GRID2: variants seen among roughly 807,000 people sequenced by gnomAD.
The protein encoded by GRID2 is glutamate receptor ionotropic, delta-2.
In GRID2, 33 loss-of-function variants were observed where a neutral mutation model predicts 114.8. The ratio of observed to expected loss-of-function variants is 0.29; its 90% CI spans 0.22 to 0.38. The LOEUF (loss-of-function observed/expected upper bound fraction) is 0.38. Ranked by LOEUF, GRID2 falls within the 10% of genes least tolerant of loss-of-function variation. GRID2 has a pLI of 1.00. For synonymous variants in GRID2, 505 were observed against 449.9 expected, an observed-to-expected ratio of 1.12 and a Z score of -1.55; for missense variants, 1,184 against 1,257.7, an observed-to-expected ratio of 0.94 and a Z score of 0.89.
intron 1 of GRID2, among the ~76,000 whole-genome samples, chr4:92,519,072 G>T (rs1724647018): frequency 6.6e-6 from 1 of 151,820 alleles, no homozygotes; most frequent in South Asian, 2.1e-4. Context: ...TAGCTGGGGT[G>T]AGGAATAAGG....
intron 8 of GRID2, among the ~76,000 whole-genome samples, chr4:93,380,318 A>G (rs1048493085): frequency 6.6e-6 from 1 of 151,934 alleles, no homozygotes; most frequent in African/African-American, 2.4e-5. Context: ...GCTGGAAAAG[A>G]CAATGAAAGA....
At chr4:93,177,680 C>T (rs1172333734) in intron 4 of GRID2, among the ~76,000 whole-genome samples, 1 of 151,992 alleles carries the variant, frequency 6.6e-6, no homozygotes, top group Non-Finnish European at 1.5e-5. Flanking sequence ...TATTTTATGC[C>T]AACCAGCAGG....
chr4:92,353,708 G>T (rs1370090598), intron 1 of GRID2, among the ~76,000 whole-genome samples: 2 of 151,938 alleles, frequency 1.3e-5, no homozygotes, highest in African/African-American at 4.8e-5. Context: ...TGTGTGTGGG[G>T]CCCCTCCTTC....
chr4:93,772,348 T>C lies in GRID2; in HGVS notation c.2874T>C (p.Pro958=). The C allele has an allele frequency of 6.2e-7, 1 of 1,614,138 alleles. No homozygotes were observed. The highest frequency in any genetic ancestry group is 2.2e-5 in the East Asian group (1 of 44,876). The part of the protein sequence containing the change: ...AASGFTFGNV[P]EHRTGPFRHR... ...CTGGTTTCACTTTTGGCAACGTGCCTGAGCACCGAACTGGCCCTTTTAGGC... is the reference window on the plus strand; with the variant it reads ...CTGGTTTCACTTTTGGCAACGTGCCCGAGCACCGAACTGGCCCTTTTAGGC... Residue 958 remains proline (P), a synonymous_variant, in exon 16 of 16, where the codon CCT becomes CCC. Coordinates refer to ENST00000282020, the MANE Select transcript of GRID2 (RefSeq NM_001510.4).
intron 14 of GRID2, among the ~76,000 whole-genome samples, chr4:93,765,858 G>C (rs1225860848): frequency 1.3e-5 from 2 of 151,998 alleles, no homozygotes; most frequent in Non-Finnish European, 2.9e-5. Flanking sequence ...AGCCTCTCCG[G>C]TGGAATGTGC....
chr4:93,521,585 T>G (rs1442300318), intron 13 of GRID2, among the ~76,000 whole-genome samples: 1 of 151,984 alleles, frequency 6.6e-6, no homozygotes, highest in Admixed American at 6.6e-5. Flanking sequence ...ACTGGTGACC[T>G]GACAACAACA....
intron 4 of GRID2, among the ~76,000 whole-genome samples, chr4:93,125,783 T>G (rs1364844085): frequency 1.3e-5 from 2 of 152,144 alleles, no homozygotes; most frequent in African/African-American, 4.8e-5. Flanking sequence ...AAGTGAAAGA[T>G]GAAGGGTGGG....
chr4:92,440,601 G>T (rs1732997412), intron 1 of GRID2, among the ~76,000 whole-genome samples: 1 of 152,074 alleles, frequency 6.6e-6, no homozygotes, highest in Non-Finnish European at 1.5e-5. Context: ...TTTCCTTGAG[G>T]ATAGATTTCC....
intron 2 of GRID2, among the ~76,000 whole-genome samples, chr4:92,600,044 G>GTATATATATATATATA (rs70942915): frequency 1.7e-4 from 9 of 54,454 alleles, no homozygotes; most frequent in African/African-American, 2.7e-4. Context: ...GTGTGTGTGT[G>GTATATATATATATATA]TATATATATA....
chr4:93,401,904 T>A (rs1251519502), intron 9 of GRID2, among the ~76,000 whole-genome samples: 1 of 149,004 alleles, frequency 6.7e-6, no homozygotes, highest in Non-Finnish European at 1.5e-5. Context: ...ATATCCATCA[T>A]TAGTCTCACT....
At chr4:92,525,702 G>C (rs1215741360) in intron 1 of GRID2, among the ~76,000 whole-genome samples, 1 of 152,094 alleles carries the variant, frequency 6.6e-6, no homozygotes, top group African/African-American at 2.4e-5. Context: ...AGGAAATTTT[G>C]GGTTGAGCCA....
intron 8 of GRID2, among the ~76,000 whole-genome samples, chr4:93,332,325 A>AGAGAGAGAGAGAGAG (rs370701996): frequency 1.4e-5 from 2 of 141,968 alleles, no homozygotes; most frequent in African/African-American, 2.6e-5. Flanking sequence ...AGAGAGAGAG[A>AGAGAGAGAGAGAGAG]ACTGGGAATG....
intron 2 of GRID2, among the ~76,000 whole-genome samples, chr4:92,781,638 T>A (rs1036536611): frequency 6.6e-6 from 1 of 152,110 alleles, no homozygotes; most frequent in Non-Finnish European, 1.5e-5. Context: ...TAACTATGTA[T>A]ATATGTTATA....
At chr4:93,505,496 T>C (rs1408902403) in intron 12 of GRID2, among the ~76,000 whole-genome samples, 1 of 151,296 alleles carries the variant, frequency 6.6e-6, no homozygotes, top group Non-Finnish European at 1.5e-5. Context: ...AAAAAGAAAC[T>C]GCACATGCTT....
At chr4:93,538,292 C>G (rs1360673615) in intron 13 of GRID2, among the ~76,000 whole-genome samples, 1 of 151,596 alleles carries the variant, frequency 6.6e-6, no homozygotes, top group Non-Finnish European at 1.5e-5. Context: ...AGTGGAAACA[C>G]TTTCTCATGG....
At chr4:92,342,127 A>G (rs1434138188) in intron 1 of GRID2, among the ~76,000 whole-genome samples, 1 of 152,148 alleles carries the variant, frequency 6.6e-6, no homozygotes, top group African/African-American at 2.4e-5. Flanking sequence ...GGGAACTTAC[A>G]ATCTATTTGG....
At chr4:93,803,395 C>T (rs182690906) in intron 1 of GRID2, among the ~76,000 whole-genome samples, 4 of 152,186 alleles carry the variant, frequency 2.6e-5, no homozygotes, top group East Asian at 1.9e-4. Flanking sequence ...CTGAATGTTG[C>T]GAGTCATGGT....
At chr4:92,617,666 T>C (rs1432293752) in intron 2 of GRID2, among the ~76,000 whole-genome samples, 1 of 151,706 alleles carries the variant, frequency 6.6e-6, no homozygotes, top group Admixed American at 6.6e-5. Flanking sequence ...CCGGCCAGCA[T>C]TTTTTATTTT....
At chr4:93,316,863 C>T (rs1018412598) in intron 8 of GRID2, among the ~76,000 whole-genome samples, 2 of 152,104 alleles carry the variant, frequency 1.3e-5, no homozygotes, top group East Asian at 1.9e-4. Context: ...TTTCTGAGTA[C>T]ATTTAATGAT....
Sources: allele counts gnomAD v4.1 joint callset (sites outside exome capture counted in the v4.1 genomes callset), GRCh38; gene constraint gnomAD v4.1.1; transcripts MANE v1.5; gene names NCBI Gene and HGNC (gene_info 2026-07-23, HGNC 2026-07-21).